Variants in MAGI2 observed in about 807,000 individuals in gnomAD.
The protein encoded by MAGI2 is membrane associated guanylate kinase, WW and PDZ domain containing 2.
Under a neutral mutation model 133.3 loss-of-function variants are expected in MAGI2, and 35 were observed. That is an observed-to-expected ratio of 0.26 (90% CI 0.20 to 0.35). MAGI2 has a LOEUF of 0.35. Ranked by LOEUF, MAGI2 falls within the 10% of genes least tolerant of loss-of-function variation. The pLI, the probability that MAGI2 is intolerant of heterozygous loss-of-function variation, is 1.00. For missense variants in MAGI2, 1,636 were observed against 1,863.4 expected, an observed-to-expected ratio of 0.88 and a Z score of 2.25; for synonymous variants, 729 against 710.6, an observed-to-expected ratio of 1.03 and a Z score of -0.41.
At chr7:78,110,869 G>A (rs1819291090) in intron 20 of MAGI2, among the ~76,000 whole-genome samples, 2 of 152,166 alleles carry the variant, frequency 1.3e-5, no homozygotes, top group African/African-American at 2.4e-5. Flanking sequence ...AAGAAGAAAC[G>A]TGAATGGCCT....
At chr7:79,141,318 T>G (rs1005150286) in intron 1 of MAGI2, among the ~76,000 whole-genome samples, 1 of 152,200 alleles carries the variant, frequency 6.6e-6, no homozygotes, top group Non-Finnish European at 1.5e-5. Context: ...ACTTGGCTCT[T>G]GGATTTTTCA....
intron 2 of MAGI2, among the ~76,000 whole-genome samples, chr7:78,991,589 C>A (rs1042373271): frequency 6.7e-6 from 1 of 149,588 alleles, no homozygotes; most frequent in African/African-American, 2.5e-5. Context: ...GCTTCATTGT[C>A]CTTTTTTTTT....
intron 9 of MAGI2, among the ~76,000 whole-genome samples, chr7:78,270,140 C>G (rs1413334244): frequency 6.6e-6 from 1 of 152,084 alleles, no homozygotes; most frequent in Non-Finnish European, 1.5e-5. Flanking sequence ...TGTTTTGGTA[C>G]CAGTACCATG....
chr7:78,419,137 G>A (rs950587670), intron 6 of MAGI2, among the ~76,000 whole-genome samples: 3 of 152,082 alleles, frequency 2.0e-5, no homozygotes, highest in Non-Finnish European at 4.4e-5. Flanking sequence ...AAAAATCCAA[G>A]TTCTAGTGTC....
chr7:78,918,022 A>T (rs567491823), intron 2 of MAGI2, among the ~76,000 whole-genome samples: 4 of 152,040 alleles, frequency 2.6e-5, no homozygotes, highest in African/African-American at 9.7e-5. Context: ...ATAGAGCTCA[A>T]TCTCCAGGAC....
intron 21 of MAGI2, among the ~76,000 whole-genome samples, chr7:78,040,369 G>T (rs1055335744): frequency 3.3e-5 from 5 of 152,294 alleles, no homozygotes; most frequent in Admixed American, 6.5e-5. Flanking sequence ...AGGAGGACGG[G>T]CGCCCCCTGG....
intron 9 of MAGI2, among the ~76,000 whole-genome samples, chr7:78,282,010 A>G (rs901106342): frequency 6.9e-5 from 10 of 145,126 alleles, no homozygotes; most frequent in African/African-American, 2.6e-4. Flanking sequence ...GCTTGGAATC[A>G]GAAAACATGT....
chr7:78,559,551 T>C (rs1328072601), intron 3 of MAGI2, among the ~76,000 whole-genome samples: 1 of 152,162 alleles, frequency 6.6e-6, no homozygotes, highest in African/African-American at 2.4e-5. Flanking sequence ...TTTGGTCTTA[T>C]ATTAAATATT....
intron 21 of MAGI2, chr7:78,065,696 C>A: frequency 1.6e-6 from 1 of 613,100 alleles, no homozygotes; most frequent in South Asian, 2.0e-5. Context: ...TAGGACCAAT[C>A]ATTAGAATTA....
intron 9 of MAGI2, among the ~76,000 whole-genome samples, chr7:78,273,895 G>A (rs947588041): frequency 4.6e-5 from 7 of 152,074 alleles, no homozygotes; most frequent in Admixed American, 2.0e-4. Context: ...CCTTTAGTTC[G>A]GAGGAGTTTG....
chr7:78,554,144 C>A (rs1264939879), intron 3 of MAGI2, among the ~76,000 whole-genome samples: 1 of 152,210 alleles, frequency 6.6e-6, no homozygotes, highest in East Asian at 1.9e-4. Context: ...TATTGATTCA[C>A]TGACCCAAAG....
At chr7:78,825,993 G>A (rs1275375615) in intron 2 of MAGI2, among the ~76,000 whole-genome samples, 2 of 152,094 alleles carry the variant, frequency 1.3e-5, no homozygotes, top group Non-Finnish European at 2.9e-5. Context: ...CCATACAATA[G>A]AATATTATTC....
At chr7:79,299,123 G>A (rs1024421238) in intron 1 of MAGI2, among the ~76,000 whole-genome samples, 5 of 152,120 alleles carry the variant, frequency 3.3e-5, no homozygotes, top group African/African-American at 1.2e-4. Context: ...AATGTGATGG[G>A]TTTTATAATA....
At chr7:79,441,828 T>A (rs1728090866) in intron 1 of MAGI2, among the ~76,000 whole-genome samples, 1 of 152,174 alleles carries the variant, frequency 6.6e-6, no homozygotes, top group Non-Finnish European at 1.5e-5. Flanking sequence ...ATAATTTAAC[T>A]TATTTTTAAT....
chr7:79,331,265 C>T (rs116454308), intron 1 of MAGI2, among the ~76,000 whole-genome samples: 2,074 of 152,116 alleles, frequency 0.014, 49 homozygotes, highest in African/African-American at 0.047. Flanking sequence ...TTAATGAGTC[C>T]ATAATATGCA....
intron 2 of MAGI2, among the ~76,000 whole-genome samples, chr7:78,899,406 A>T (rs943633680): frequency 3.3e-5 from 5 of 152,258 alleles, no homozygotes; most frequent in South Asian, 2.1e-4. Flanking sequence ...CAGGATCCCA[A>T]CCTTGATGTG....
At chr7:78,594,824 C>T (rs1210949560) in intron 3 of MAGI2, among the ~76,000 whole-genome samples, 7 of 152,048 alleles carry the variant, frequency 4.6e-5, no homozygotes, top group African/African-American at 1.7e-4. Flanking sequence ...AGGAGCTCCC[C>T]AAACCTCCAT....
chr7:78,419,817 A>G (rs147577948), intron 6 of MAGI2, among the ~76,000 whole-genome samples: 2 of 152,216 alleles, frequency 1.3e-5, no homozygotes, highest in East Asian at 3.9e-4. Context: ...GGATAATGGG[A>G]CACTCAAGTA....
chr7:78,831,752 C>T (rs1221903919), intron 2 of MAGI2, among the ~76,000 whole-genome samples: 2 of 151,936 alleles, frequency 1.3e-5, no homozygotes, highest in Non-Finnish European at 2.9e-5. Flanking sequence ...TATCTTTTTT[C>T]TTCTGAAAAG....
Sources: allele counts gnomAD v4.1 joint callset (sites outside exome capture counted in the v4.1 genomes callset), GRCh38; gene constraint gnomAD v4.1.1; transcripts MANE v1.5; gene names NCBI Gene and HGNC (gene_info 2026-07-23, HGNC 2026-07-21).